Variants in AHNAK observed in about 807,000 individuals in gnomAD.
AHNAK encodes the protein AHNAK nucleoprotein.
In AHNAK, 23 loss-of-function variants were observed where a neutral mutation model predicts 37.8. The observed-to-expected ratio is 0.61, with a 90% confidence interval of 0.44 to 0.86. The LOEUF (loss-of-function observed/expected upper bound fraction) is 0.86, where lower values mean the gene tolerates loss of function less well. Ranked by LOEUF, AHNAK falls within the 40% of genes least tolerant of loss-of-function variation. The pLI, the probability that AHNAK is intolerant of heterozygous loss-of-function variation, is 0.00. For missense variants in AHNAK, 7,411 were observed against 7,319.4 expected, an observed-to-expected ratio of 1.01 and a Z score of -0.46; for synonymous variants, 2,481 against 2,636.3, an observed-to-expected ratio of 0.94 and a Z score of 1.80.
At chr11:62,470,047 G>A (rs988788795) in intron 5 of AHNAK, among the ~76,000 whole-genome samples, 39 of 152,018 alleles carry the variant, frequency 2.6e-4, no homozygotes, top group Non-Finnish European at 3.2e-4. Context: ...GCTCACGCCC[G>A]TAATCCCAGC....
chr11:62,473,084 C>CAAAAAAAAA (rs71056522), intron 5 of AHNAK, among the ~76,000 whole-genome samples: 2 of 17,294 alleles, frequency 1.2e-4, no homozygotes, highest in African/African-American at 5.5e-4. Flanking sequence ...GACTCCATCT[C>CAAAAAAAAA]AAAAAAAAAA....
chr11:62,542,692 G>A (rs1018448964), intron 1 of AHNAK, among the ~76,000 whole-genome samples: 3 of 152,220 alleles, frequency 2.0e-5, no homozygotes, highest in African/African-American at 7.2e-5. Flanking sequence ...CAATCCTTGT[G>A]AAAGGGGGCT....
At position 62,520,729 on chromosome 11, in the gene AHNAK, T is replaced by A; in HGVS notation, c.13688A>T (p.Asp4563Val). 1 of 1,614,192 alleles carries A rather than the reference T, an allele frequency of 6.2e-7. No homozygotes were observed. The highest frequency in any genetic ancestry group is 2.2e-5 in the East Asian group (1 of 44,890). ...ACCATGAATGTCAATATCAGGAGTG[T>A]CAATGCCCACTTTAGGGCCTTTGAC... ...VDVKGPKVGI[D>V]TPDIDIHGPE... is the part of the protein sequence containing the mutation. The change falls in exon 5 of 5, where the codon GAC becomes GTC. Residue 4563 changes from aspartate to valine, a missense_variant. Asp to Val is a radical substitution (Grantham distance 152, BLOSUM62 -3). Transcript: ENST00000378024.
At chr11:62,482,523 T>C (rs1368252262) in intron 5 of AHNAK, among the ~76,000 whole-genome samples, 1 of 152,172 alleles carries the variant, frequency 6.6e-6, no homozygotes, top group Non-Finnish European at 1.5e-5. Context: ...ACCTAATCCT[T>C]CTGTGCCTCA....
intron 1 of AHNAK, among the ~76,000 whole-genome samples, chr11:62,538,530 C>T (rs1941025550): frequency 6.6e-6 from 1 of 152,222 alleles, no homozygotes; most frequent in East Asian, 1.9e-4. Context: ...CGCCTACAGC[C>T]GTTTACATCC....
chr11:62,531,137 C>T lies in AHNAK; in HGVS notation c.3280G>A (p.Gly1094Ser), dbSNP rs1445108297. ...NVDISAPKIE[G>S]EMQVPDVDIR... Reference sequence around the variant, plus strand: ...TCCACATCTGGAACCTGCATTTCACCCTCTATCTTTGGTGCAGAGATATCT... The same window carrying T: ...TCCACATCTGGAACCTGCATTTCACTCTCTATCTTTGGTGCAGAGATATCT... Residue 1094 changes from glycine to serine, a missense_variant, in exon 5 of 5, where the codon GGT becomes AGT. Coordinates refer to ENST00000378024, the MANE Select transcript of AHNAK (RefSeq NM_001620.3). 3 of 1,614,074 alleles carry T rather than the reference C, an allele frequency of 1.9e-6. No individual in the cohort carries two copies. The highest frequency in any genetic ancestry group is 2.5e-6 in the Non-Finnish European group (3 of 1,180,004).
At chr11:62,502,499 T>C (rs1205856155) in intron 4 of AHNAK, among the ~76,000 whole-genome samples, 1 of 152,164 alleles carries the variant, frequency 6.6e-6, no homozygotes, top group Non-Finnish European at 1.5e-5. Context: ...CGGTTAGTGA[T>C]AAGATGGCTT....
Position 62,531,204 on chromosome 11 carries a change from A to G in AHNAK, c.3213T>C (p.Asp1071=), listed in dbSNP as rs955585050. Residue 1071 remains aspartate (D), a synonymous_variant, in exon 5 of 5, where the codon GAT becomes GAC. Transcript: ENST00000378024. ...TGGGTCCTTTAAGATCCAGGTCAAC[A>G]TCTGGCAAAGACATCTTAGGAGCTC... ...HFRAPKMSLP[D]VDLDLKGPKM... is the part of the protein sequence containing the mutation. 1.2e-6 allele frequency: 2 copies of G among 1,614,010 alleles called. No individual in the cohort carries two copies. The highest frequency in any genetic ancestry group is 1.7e-6 in the Non-Finnish European group (2 of 1,179,990).
At chr11:62,542,933 T>TC (rs943006204) in intron 1 of AHNAK, among the ~76,000 whole-genome samples, 1 of 151,970 alleles carries the variant, frequency 6.6e-6, no homozygotes, top group Non-Finnish European at 1.5e-5. Context: ...CTGCTTGCTC[T>TC]CCCCCCAGCG....
chr11:62,517,778 C>T lies in AHNAK; in HGVS notation c.16639G>A (p.Ala5547Thr). Residue 5547 changes from alanine (A) to threonine (T), a missense_variant, in exon 5 of 5, where the codon GCC becomes ACC. Transcript: ENST00000378024. ...AAPDISVKGP[A>T]FNMASPESDF... ...GACTCAGGAGATGCCATATTAAAGG[C>T]AGGCCCCTTCACACTGATATCAGGA... 1.2e-6 allele frequency: 2 copies of T among 1,614,230 alleles called. No homozygotes were observed. Among genetic ancestry groups the T allele is most frequent in the South Asian group, 1.1e-5 (1 of 91,088 alleles).
intron 5 of AHNAK, among the ~76,000 whole-genome samples, chr11:62,449,971 G>A (rs71490381): frequency 0.025 from 3,835 of 152,226 alleles, 67 homozygotes; most frequent in Non-Finnish European, 0.04. Context: ...GAGGCAGAGC[G>A]CAGTGGTTCA....
chr11:62,502,970 G>A (rs1169619188), intron 4 of AHNAK, among the ~76,000 whole-genome samples: 1 of 152,164 alleles, frequency 6.6e-6, no homozygotes, highest in African/African-American at 2.4e-5. Context: ...TGTAGTGTTC[G>A]GAGCCACCTC....
Position 62,520,668 on chromosome 11 carries a change from C to G in AHNAK, c.13749G>C (p.Met4583Ile), listed in dbSNP as rs117846055. The G allele has an allele frequency of 2.5e-6, 4 of 1,614,116 alleles. No individual in the cohort carries two copies. Among genetic ancestry groups the G allele is most frequent in the East Asian group, 2.2e-5 (1 of 44,878 alleles). The change falls in exon 5 of 5, where the codon ATG (methionine) becomes ATC (isoleucine). Residue 4583 changes from methionine (M) to isoleucine (I), a missense_variant. Coordinates refer to ENST00000378024, the MANE Select transcript of AHNAK (RefSeq NM_001620.3). ...EGKLKGPKFK[M>I]PDLHLKAPKI... Reference sequence around the variant, plus strand: ...TCGGTGCCTTGAGGTGTAAGTCAGGCATTTTAAATTTGGGGCCCTTCAGTT... The same window carrying G: ...TCGGTGCCTTGAGGTGTAAGTCAGGGATTTTAAATTTGGGGCCCTTCAGTT...
intron 1 of AHNAK, among the ~76,000 whole-genome samples, chr11:62,537,864 A>G (rs1441437408): frequency 1.3e-5 from 2 of 151,706 alleles, no homozygotes; most frequent in Admixed American, 6.6e-5. Flanking sequence ...TTGTATTTTT[A>G]GTAGAGATGG....
chr11:62,521,408 C>A lies in AHNAK; in HGVS notation c.13009G>T (p.Asp4337Tyr), dbSNP rs760627717. The A allele has an allele frequency of 6.2e-6, 10 of 1,613,876 alleles. No homozygotes were observed. The highest frequency in any genetic ancestry group is 8.5e-6 in the Non-Finnish European group (10 of 1,180,030). Residue 4337 changes from aspartate to tyrosine, a missense_variant, in exon 5 of 5, where the codon GAT becomes TAT. Transcript: ENST00000378024. ...PGFKGEGPDV[D>Y]VTLPKADIEI... ...ATGTCAGCCTTAGGAAGGGTAACAT[C>A]CACATCTGGGCCCTCTCCTTTGAAT...
rs756341079 is a variant in AHNAK, at chr11:62,528,938, G to A, written c.5479C>T (p.Pro1827Ser). ...VKGPFVEAEV[P>S]DVDLECPDAK... ...TCAGGACACTCCAGATCAACATCGGGCACCTCCGCTTCCACAAAAGGACCT... is the reference window on the plus strand; with the variant it reads ...TCAGGACACTCCAGATCAACATCGGACACCTCCGCTTCCACAAAAGGACCT... Residue 1827 changes from proline (P) to serine (S), a missense_variant, in exon 5 of 5, where the codon CCC (proline) becomes TCC (serine). Pro to Ser is a moderately conservative substitution (Grantham distance 74, BLOSUM62 -1). Coordinates refer to ENST00000378024, the MANE Select transcript of AHNAK (RefSeq NM_001620.3). 28 of 1,613,994 alleles carry A rather than the reference G, an allele frequency of 1.7e-5. No individual in the cohort carries two copies. The highest frequency in any genetic ancestry group is 2.7e-5 in the African/African-American group (2 of 74,876).
At chr11:62,461,806 C>T (rs1386120421) in intron 5 of AHNAK, among the ~76,000 whole-genome samples, 1 of 136,974 alleles carries the variant, frequency 7.3e-6, no homozygotes, top group Non-Finnish European at 1.5e-5. Flanking sequence ...GCCTGGGCAA[C>T]AGAGCGAAAC....
In AHNAK at chr11:62,516,083, A is replaced by G. The variant is rs529730334; in HGVS notation, c.*661T>C. On this transcript the variant is annotated 3_prime_UTR_variant, in exon 5 of 5. Coordinates refer to ENST00000378024, the MANE Select transcript of AHNAK (RefSeq NM_001620.3). ...AACAGTTCCCTTACAAAACACAGAA[A>G]ATGGAAGCCCCTCATGTTGAGGGGG... The G allele has an allele frequency of 4.9e-6, 6 of 1,222,192 alleles. No individual in the cohort carries two copies. The East Asian group carries it at 3.4e-4, about 70-fold the overall frequency. 75.7% of individuals were successfully genotyped at this position (1,222,192 alleles called of 1,614,324 possible).
intron 5 of AHNAK, among the ~76,000 whole-genome samples, chr11:62,479,711 T>C (rs781230653): frequency 2.0e-5 from 3 of 151,940 alleles, no homozygotes; most frequent in Non-Finnish European, 4.4e-5. Flanking sequence ...CCAAATGCCT[T>C]CCATTCCCTT....
Sources: gnomAD v4.1 joint callset for allele counts (sites outside exome capture counted in the v4.1 genomes callset) on GRCh38, gnomAD v4.1.1 for gene constraint, MANE v1.5 for transcripts, NCBI Gene and HGNC (gene_info 2026-07-23, HGNC 2026-07-21) for gene names.